SLC15A2: variants seen among roughly 807,000 people sequenced by gnomAD.
SLC15A2 encodes solute carrier family 15 member 2.
A neutral mutation model predicts 95.5 loss-of-function variants in SLC15A2; 77 were observed. The observed-to-expected ratio is 0.81, with a 90% confidence interval of 0.67 to 0.97. The LOEUF is 0.97. Ranked by LOEUF, SLC15A2 falls within the 50% of genes least tolerant of loss-of-function variation. The pLI is 0.00. For missense variants in SLC15A2, 893 were observed against 874.4 expected (o/e 1.02, Z -0.27); for synonymous variants, 306 against 306.9 (o/e 1.00, Z 0.03).
rs1313038477 is a variant in SLC15A2 at position 121,897,545 on chromosome 3, G to A, written c.335+16G>A. The A allele has an allele frequency of 6.2e-7, 1 of 1,613,224 alleles. No homozygotes were observed. The highest frequency in any genetic ancestry group is 8.5e-7 in the Non-Finnish European group (1 of 1,179,744). On this transcript the variant is annotated intron_variant, in intron 3 of 21. Coordinates refer to ENST00000489711, the MANE Select transcript of SLC15A2 (RefSeq NM_021082.4). ...GAAAATTCAAGTAAGGAAGATGGGA[G>A]GTCACATCCCTACAAGTTTCACAGG...
chr3:121,906,771 T>C (rs2107577442), intron 3 of SLC15A2, among the ~76,000 whole-genome samples: 1 of 152,322 alleles, frequency 6.6e-6, no homozygotes, highest in Non-Finnish European at 1.5e-5. Flanking sequence ...ACCCGACCTT[T>C]CTCTCTGGCT....
At chr3:121,935,415 G>C (rs1710321231) in intron 19 of SLC15A2, among the ~76,000 whole-genome samples, 1 of 152,190 alleles carries the variant, frequency 6.6e-6, no homozygotes, top group Non-Finnish European at 1.5e-5. Flanking sequence ...TGGTTGGTAA[G>C]CTATTGATTA....
At chr3:121,903,265 G>A (rs1709554878) in intron 3 of SLC15A2, among the ~76,000 whole-genome samples, 1 of 152,062 alleles carries the variant, frequency 6.6e-6, no homozygotes, top group African/African-American at 2.4e-5. Context: ...TTGTCAGATG[G>A]GTAGATTGCA....
intron 9 of SLC15A2, 61 bp downstream of exon 9, chr3:121,922,922 G>T: frequency 1.3e-6 from 2 of 1,556,810 alleles, no homozygotes; most frequent in Non-Finnish European, 1.8e-6. Context: ...TGTTCAAAAT[G>T]ATTCTATCCT....
At chr3:121,923,379 T>G in intron 11 of SLC15A2, 113 bp downstream of exon 11, 1 of 1,069,188 alleles carries the variant, frequency 9.4e-7, no homozygotes, top group Non-Finnish European at 1.4e-6. Flanking sequence ...TTCAGAGAAG[T>G]GCTTTTAGCC....
At chr3:121,935,705 C>A (rs1211855783) in intron 19 of SLC15A2, among the ~76,000 whole-genome samples, 1 of 151,912 alleles carries the variant, frequency 6.6e-6, no homozygotes, top group Non-Finnish European at 1.5e-5. Flanking sequence ...TTGATCCTTT[C>A]AAAAAACCAG....
At position 121,942,247 on chromosome 3, in the gene SLC15A2, C is replaced by A. The variant is rs1288361279; in HGVS notation, c.*1240C>A. The A allele has an allele frequency of 6.6e-6, 1 of 151,860 alleles. No individual in the cohort carries two copies. The highest frequency in any genetic ancestry group is 1.5e-5 in the Non-Finnish European group (1 of 67,978). The allele number at this position is 151,860 out of a possible 1,614,324, so 9.4% of individuals were successfully genotyped here. A position where few individuals can be genotyped will look rare whatever the true frequency, so the allele number is the denominator to read the frequency against. On this transcript the variant is annotated 3_prime_UTR_variant, in exon 22 of 22. Transcript: ENST00000489711. ...GGTTTTGTTTGTGTATGTGTATGGTCATGAAAAAAAATTGAGAAACATTAC... is the reference window on the plus strand; with the variant it reads ...GGTTTTGTTTGTGTATGTGTATGGTAATGAAAAAAAATTGAGAAACATTAC...
At position 121,896,435 on chromosome 3, in the gene SLC15A2, C is replaced by A. The variant is rs1553731924; in HGVS notation, c.135C>A (p.Ser45Arg). The A allele has an allele frequency of 6.2e-7, 1 of 1,613,970 alleles. No individual in the cohort carries two copies. Among genetic ancestry groups the A allele is most frequent in the South Asian group, 1.1e-5 (1 of 91,090 alleles). Residue 45 changes from serine (S) to arginine (R), a missense_variant, in exon 2 of 22, where the codon AGC (serine) becomes AGA (arginine). Coordinates refer to ENST00000489711, the MANE Select transcript of SLC15A2 (RefSeq NM_021082.4). ...PTICGSNYPL[S>R]IAFIVVNEFC... ...TCTGTGGCTCCAACTATCCACTGAG[C>A]ATTGCCTTCATTGTGGTGAATGAAT...
chr3:121,916,482 C>T (rs900422821), intron 7 of SLC15A2, among the ~76,000 whole-genome samples: 1 of 152,160 alleles, frequency 6.6e-6, no homozygotes, highest in African/African-American at 2.4e-5. Context: ...AGACTCAATG[C>T]TCAGTGTATT....
At chr3:121,915,561 C>A in intron 6 of SLC15A2, 55 bp from the exon 7 acceptor site, 1 of 1,350,600 alleles carries the variant, frequency 7.4e-7, no homozygotes, top group Non-Finnish European at 1.1e-6. Context: ...TAGAATAAAA[C>A]ATCAAATATT....
intron 2 of SLC15A2, among the ~76,000 whole-genome samples, chr3:121,897,064 T>C (rs759324997): frequency 6.6e-6 from 1 of 151,010 alleles, no homozygotes; most frequent in South Asian, 2.1e-4. Context: ...TATCATCTTG[T>C]TGCTGGGAAG....
chr3:121,935,268 G>T (rs1031714269), intron 19 of SLC15A2, among the ~76,000 whole-genome samples: 2 of 152,156 alleles, frequency 1.3e-5, no homozygotes, highest in African/African-American at 4.8e-5. Flanking sequence ...TCAGAATGAT[G>T]CTGGCCTCAT....
chr3:121,932,843 G>C (rs1710258886), intron 19 of SLC15A2, among the ~76,000 whole-genome samples: 1 of 151,958 alleles, frequency 6.6e-6, no homozygotes, highest in East Asian at 1.9e-4. Flanking sequence ...CATGTGCCAT[G>C]CTGGTGCGCT....
At chr3:121,931,882 C>G (rs1266619515) in intron 19 of SLC15A2, 147 bp downstream of exon 19, 6 of 585,702 alleles carry the variant, frequency 1.0e-5, no homozygotes, top group African/African-American at 1.9e-5. Context: ...ACAGGTTCTA[C>G]AGTGACTTTA....
chr3:121,942,523 A>G lies in SLC15A2; in HGVS notation c.*1516A>G, dbSNP rs1710480751. Reference sequence around the variant, plus strand: ...TTAACAGGTAAGAGAAATTGCTCTAAGTGCCCAAACTTTATATACTTCAGT... The same window carrying G: ...TTAACAGGTAAGAGAAATTGCTCTAGGTGCCCAAACTTTATATACTTCAGT... On this transcript the variant is annotated 3_prime_UTR_variant, in exon 22 of 22. Transcript: ENST00000489711. 6.6e-6 allele frequency: 1 copy of G among 152,246 alleles called. No individual in the cohort carries two copies. Among genetic ancestry groups the G allele is most frequent in the African/African-American group, 2.4e-5 (1 of 41,472 alleles). The allele number at this position is 152,246 out of a possible 1,614,324, so 9.4% of individuals were successfully genotyped here.
intron 7 of SLC15A2, among the ~76,000 whole-genome samples, chr3:121,921,777 G>A (rs568592806): frequency 2.8e-4 from 42 of 152,302 alleles, no homozygotes; most frequent in African/African-American, 9.6e-4. Flanking sequence ...TCCTGAACAA[G>A]AGTGGTAGCA....
chr3:121,937,576 A>G (rs1710372326), intron 19 of SLC15A2, among the ~76,000 whole-genome samples: 1 of 151,144 alleles, frequency 6.6e-6, no homozygotes. Context: ...AGGCTTCTGC[A>G]TTCTTCACGT....
intron 19 of SLC15A2, among the ~76,000 whole-genome samples, chr3:121,937,811 A>G (rs1171500224): frequency 6.6e-6 from 1 of 152,190 alleles, no homozygotes; most frequent in Non-Finnish European, 1.5e-5. Flanking sequence ...CTGATGAGGA[A>G]CTGCGTTCCT....
In SLC15A2 at chr3:121,897,501, A is replaced by G; in HGVS notation, c.307A>G (p.Ile103Val). 1 of 1,613,936 alleles carries G rather than the reference A, an allele frequency of 6.2e-7. No homozygotes were observed. Residue 103 changes from isoleucine to valine, a missense_variant, in exon 3 of 22, where the codon ATT becomes GTT. Coordinates refer to ENST00000489711, the MANE Select transcript of SLC15A2 (RefSeq NM_021082.4). ...CYFTPILGAAIADSWLGKFKT... is the reference protein window; with the variant it reads ...CYFTPILGAAVADSWLGKFKT... ...TTTTACTCCCATCCTGGGAGCAGCCATTGCTGACTCGTGGTTGGGAAAATT... is the reference window on the plus strand; with the variant it reads ...TTTTACTCCCATCCTGGGAGCAGCCGTTGCTGACTCGTGGTTGGGAAAATT...
Sources: allele counts gnomAD v4.1 joint callset (sites outside exome capture counted in the v4.1 genomes callset), GRCh38; gene constraint gnomAD v4.1.1; transcripts MANE v1.5; gene names NCBI Gene and HGNC (gene_info 2026-07-23, HGNC 2026-07-21).